Variants in KCNH5 observed in about 807,000 individuals in gnomAD.
KCNH5 encodes potassium voltage-gated channel subfamily H member 5, also known as voltage-gated delayed rectifier potassium channel KCNH5.
Under a neutral mutation model 96.1 loss-of-function variants are expected in KCNH5, and 46 were observed. That is an observed-to-expected ratio of 0.48 (90% confidence interval 0.38 to 0.61). The LOEUF (loss-of-function observed/expected upper bound fraction) is 0.61. KCNH5 is among the 20% of genes least tolerant of loss of function. KCNH5 has a pLI of 0.00. For synonymous variants in KCNH5, 439 were observed against 449.8 expected (o/e 0.98, Z 0.30); for missense variants, 907 against 1,225.8 (o/e 0.74, Z 3.88).
Position 62,950,316 on chromosome 14 carries a change from T to G in KCNH5, c.1186A>C (p.Ile396Leu). 1 of 1,614,036 alleles carries G rather than the reference T, an allele frequency of 6.2e-7. No individual in the cohort carries two copies. The highest frequency in any genetic ancestry group is 8.5e-7 in the Non-Finnish European group (1 of 1,179,964). Reference sequence around the variant, plus strand: ...GTATTGTAGCGATATGGAGTCCCAATGCTCAAAGCCAGCTGGTAGAGCCAA... The same window carrying G: ...GTATTGTAGCGATATGGAGTCCCAAGGCTCAAAGCCAGCTGGTAGAGCCAA... ...DSWLYQLALS[I>L]GTPYRYNTSA... Residue 396 changes from isoleucine (I) to leucine (L), a missense_variant, in exon 7 of 11, where the codon ATT (isoleucine) becomes CTT (leucine). Transcript: ENST00000322893.
chr14:63,031,550 T>C (rs1891626874), intron 1 of KCNH5, among the ~76,000 whole-genome samples: 1 of 152,192 alleles, frequency 6.6e-6, no homozygotes, highest in South Asian at 2.1e-4. Flanking sequence ...AATCATATCC[T>C]TCTCGGATCC....
At chr14:62,861,923 A>G (rs986339330) in intron 7 of KCNH5, among the ~76,000 whole-genome samples, 64 of 152,142 alleles carry the variant, frequency 4.2e-4, no homozygotes, top group African/African-American at 1.4e-3. Context: ...GCTACAGAAG[A>G]AAAAAAAGGA....
chr14:62,749,705 G>T (rs937555499), intron 10 of KCNH5, among the ~76,000 whole-genome samples: 1 of 152,082 alleles, frequency 6.6e-6, no homozygotes, highest in South Asian at 2.1e-4. Context: ...TTTCCCTTAG[G>T]GGCCACTCGA....
chr14:62,700,460 C>T lies in KCNH5; in HGVS notation c.*7048G>A, dbSNP rs1399587496. 1.3e-5 allele frequency: 2 copies of T among 152,152 alleles called. No homozygotes were observed. Among genetic ancestry groups the T allele is most frequent in the Non-Finnish European group, 2.9e-5 (2 of 68,002 alleles). 9.4% of individuals were successfully genotyped at this position (152,152 alleles called of 1,614,324 possible). A position where few individuals can be genotyped will look rare whatever the true frequency, so the allele number is the denominator to read the frequency against. On this transcript the variant is annotated 3_prime_UTR_variant, in exon 11 of 11. Transcript: ENST00000322893. The stretch of plus-strand genomic sequence containing the variant: ...CCTAAGGAGATGAAAGTGAACACTA[C>T]ACTTATTCCCTCTCTGATAAAGGGT...
chr14:62,736,098 A>T, intron 10 of KCNH5, among the ~76,000 whole-genome samples: 1 of 152,190 alleles, frequency 6.6e-6, no homozygotes, highest in East Asian at 1.9e-4. Flanking sequence ...GTGCTTTGTT[A>T]TGGCAGCCCT....
At chr14:62,717,262 A>G (rs1196454485) in intron 10 of KCNH5, among the ~76,000 whole-genome samples, 1 of 152,192 alleles carries the variant, frequency 6.6e-6, no homozygotes, top group Non-Finnish European at 1.5e-5. Context: ...TCAACAGCCC[A>G]TTTTTCAGAA....
intron 1 of KCNH5, among the ~76,000 whole-genome samples, chr14:63,027,479 G>GAAA (rs11399195): frequency 1.6e-5 from 2 of 126,548 alleles, no homozygotes; most frequent in Non-Finnish European, 1.7e-5. Context: ...AAGTTGGTTT[G>GAAA]AAAAAAAAAA....
At chr14:62,772,304 A>G (rs1886004012) in intron 10 of KCNH5, among the ~76,000 whole-genome samples, 1 of 152,106 alleles carries the variant, frequency 6.6e-6, no homozygotes, top group Admixed American at 6.5e-5. Flanking sequence ...TCTAATATAA[A>G]AGTATTAATA....
intron 10 of KCNH5, among the ~76,000 whole-genome samples, chr14:62,751,544 C>A (rs1448160546): frequency 6.6e-6 from 1 of 152,086 alleles, no homozygotes; most frequent in Non-Finnish European, 1.5e-5. Flanking sequence ...ACTGGGCAAT[C>A]CCTCTTCCAT....
chr14:62,884,925 C>T (rs759855286), intron 7 of KCNH5, among the ~76,000 whole-genome samples: 26 of 152,162 alleles, frequency 1.7e-4, no homozygotes, highest in Non-Finnish European at 2.6e-4. Flanking sequence ...TTAAATACAA[C>T]ATAGCAAACA....
intron 7 of KCNH5, among the ~76,000 whole-genome samples, chr14:62,857,237 G>A (rs1014081081): frequency 1.3e-5 from 2 of 152,044 alleles, no homozygotes; most frequent in African/African-American, 2.4e-5. Flanking sequence ...TAACAAAGAC[G>A]GAAGAAATGG....
intron 10 of KCNH5, among the ~76,000 whole-genome samples, chr14:62,744,167 C>T (rs1885328686): frequency 6.6e-6 from 1 of 152,122 alleles, no homozygotes; most frequent in Non-Finnish European, 1.5e-5. Context: ...TCCTTGAGCT[C>T]TACGGGATGT....
intron 7 of KCNH5, among the ~76,000 whole-genome samples, chr14:62,876,531 A>G (rs1888375965): frequency 6.6e-6 from 1 of 152,212 alleles, no homozygotes; most frequent in South Asian, 2.1e-4. Flanking sequence ...ACAAACAAAA[A>G]TCCAGTTTTA....
At chr14:62,906,496 T>A (rs1889030376) in intron 7 of KCNH5, among the ~76,000 whole-genome samples, 1 of 152,180 alleles carries the variant, frequency 6.6e-6, no homozygotes, top group Non-Finnish European at 1.5e-5. Flanking sequence ...TCAACACTAT[T>A]CACAGGTTTC....
intron 6 of KCNH5, among the ~76,000 whole-genome samples, chr14:62,956,940 CACTTCAGTGGCTTTCTGCCTCT>C (rs1890115642): frequency 6.6e-6 from 1 of 152,196 alleles, no homozygotes; most frequent in South Asian, 2.1e-4. Flanking sequence ...CCCTCCTCTG[CACTTCAGTGGCTTTCTGCCTCT>C]ATCCCAGCCT....
At chr14:62,796,677 C>T (rs1470365035) in intron 9 of KCNH5, among the ~76,000 whole-genome samples, 1 of 152,140 alleles carries the variant, frequency 6.6e-6, no homozygotes, top group Non-Finnish European at 1.5e-5. Context: ...GTTTATTTTG[C>T]CAAGGTTGAG....
At chr14:62,796,318 G>A (rs1006599789) in intron 9 of KCNH5, among the ~76,000 whole-genome samples, 3 of 152,050 alleles carry the variant, frequency 2.0e-5, no homozygotes, top group African/African-American at 7.2e-5. Flanking sequence ...GGCCTACAGT[G>A]GATTTTAAAT....
rs1884434235 is a variant in KCNH5 at position 62,706,459 on chromosome 14, G to GTTTC, written c.*1045_*1048dup. On this transcript the variant is annotated 3_prime_UTR_variant, in exon 11 of 11. Coordinates refer to ENST00000322893, the MANE Select transcript of KCNH5 (RefSeq NM_139318.5). The stretch of plus-strand genomic sequence containing the variant: ...TCATGTGTCAACAATCCGTACCAGT[G>GTTTC]TTTCATTCTTTCTAAGTTATATACA... 6.6e-6 allele frequency: 1 copy of GTTTC among 151,890 alleles called. No individual in the cohort carries two copies. The highest frequency in any genetic ancestry group is 2.4e-5 in the African/African-American group (1 of 41,368). The allele number at this position is 151,890 out of a possible 1,614,324, so 9.4% of individuals were successfully genotyped here.
intron 5 of KCNH5, among the ~76,000 whole-genome samples, chr14:62,981,787 C>G (rs1383991801): frequency 6.6e-6 from 1 of 152,214 alleles, no homozygotes; most frequent in Non-Finnish European, 1.5e-5. Context: ...GTATCGCCTG[C>G]TTTTTCCCTT....
Sources: gnomAD v4.1 joint callset for allele counts (sites outside exome capture counted in the v4.1 genomes callset) on GRCh38, gnomAD v4.1.1 for gene constraint, MANE v1.5 for transcripts, NCBI Gene and HGNC (gene_info 2026-07-23, HGNC 2026-07-21) for gene names.